The following DCLK1 variants were observed in gnomAD, a reference collection of about 807,000 sequenced individuals.
DCLK1 encodes doublecortin like kinase 1.
Under a neutral mutation model 86.2 loss-of-function variants are expected in DCLK1, and 16 were observed. The observed-to-expected ratio is 0.19, with a 90% CI of 0.13 to 0.28. The LOEUF (loss-of-function observed/expected upper bound fraction) is 0.28, where lower values mean the gene tolerates loss of function less well. Among genes scored for constraint, DCLK1 ranks in the 10% least tolerant of loss-of-function variants. The probability of loss-of-function intolerance (pLI) is 1.00; values close to 1 mark genes in which losing one functional copy is unlikely to be tolerated. For missense variants in DCLK1, 590 were observed against 940.2 expected (o/e 0.63, Z 4.87); for synonymous variants, 369 against 370.5 (o/e 1.00, Z 0.05).
At chr13:35,843,150 AC>A (rs758187515) in intron 6 of DCLK1, among the ~76,000 whole-genome samples, 1 of 152,184 alleles carries the variant, frequency 6.6e-6, no homozygotes, top group Admixed American at 6.5e-5. Flanking sequence ...GAGCAGATAA[AC>A]CATTTTATAG....
chr13:36,036,625 G>T (rs1882511197), intron 3 of DCLK1, among the ~76,000 whole-genome samples: 1 of 151,990 alleles, frequency 6.6e-6, no homozygotes, highest in Admixed American at 6.6e-5. Flanking sequence ...GTAGGTATAA[G>T]ATCATATACG....
chr13:35,827,512 A>T, intron 10 of DCLK1, 123 bp downstream of exon 10: 1 of 1,189,150 alleles, frequency 8.4e-7, no homozygotes, highest in Non-Finnish European at 1.2e-6. Flanking sequence ...ATTCCTAATC[A>T]CTGGGCCAAT....
chr13:36,070,701 G>A (rs1049160891), intron 3 of DCLK1, among the ~76,000 whole-genome samples: 4 of 151,990 alleles, frequency 2.6e-5, no homozygotes, highest in Admixed American at 6.6e-5. Flanking sequence ...GAGTGCAATG[G>A]CGCAATCTCG....
intron 6 of DCLK1, chr13:35,846,081 A>C: frequency 1.0e-6 from 1 of 985,454 alleles, no homozygotes; most frequent in Non-Finnish European, 1.2e-6. Context: ...GTCAACCCTT[A>C]GCTCTATAAA....
chr13:36,119,706 A>T (rs1002438062), intron 2 of DCLK1, among the ~76,000 whole-genome samples: 3 of 152,220 alleles, frequency 2.0e-5, no homozygotes, highest in African/African-American at 7.2e-5. Flanking sequence ...GGTATTCTTC[A>T]AACTGTCAAG....
In DCLK1 at chr13:36,026,568, G is replaced by A. The variant is rs150523198; in HGVS notation, c.724-79111C>T. On this transcript the variant is annotated intron_variant, in intron 3 of 16. Transcript: ENST00000360631. ...CTTTCTACCACTTAAATGATTATTT[G>A]AAATACATTTTATGGTGAATTTATT... Among the ~76,000 whole-genome samples, 315 of 152,198 alleles carry A rather than the reference G, an allele frequency of 2.1e-3. 2 individuals are homozygous for A. The highest frequency in any genetic ancestry group is 7.4e-3 in the African/African-American group (306 of 41,514).
chr13:36,013,922 A>G (rs1288026722), intron 3 of DCLK1, among the ~76,000 whole-genome samples: 1 of 152,108 alleles, frequency 6.6e-6, no homozygotes, highest in Admixed American at 6.5e-5. Flanking sequence ...GTGGGATATA[A>G]TCTCGTGGTG....
Position 36,125,749 on chromosome 13 carries a change from TCA to T in DCLK1, c.376+11_376+12del. 1 of 1,606,544 alleles carries T rather than the reference TCA, an allele frequency of 6.2e-7. No homozygotes were observed. The highest frequency in any genetic ancestry group is 8.5e-7 in the Non-Finnish European group (1 of 1,175,372). ...CCTGTAGGGTCACGTGGGGGTTATCTCACAGCGCTCACCTTCCACCAGTTGGT... is the reference window on the plus strand; with the variant it reads ...CCTGTAGGGTCACGTGGGGGTTATCTCAGCGCTCACCTTCCACCAGTTGGT... On this transcript the variant is annotated intron_variant, in intron 2 of 16. Coordinates refer to ENST00000360631, the MANE Select transcript of DCLK1 (RefSeq NM_001330071.2).
At chr13:35,957,317 G>C (rs189823587) in intron 3 of DCLK1, among the ~76,000 whole-genome samples, 13 of 152,266 alleles carry the variant, frequency 8.5e-5, no homozygotes, top group Admixed American at 8.5e-4. Flanking sequence ...ATTTAAAAAT[G>C]TGTTTAAAGC....
intron 16 of DCLK1, among the ~76,000 whole-genome samples, chr13:35,775,999 T>C (rs554817621): frequency 7.9e-5 from 12 of 152,316 alleles, no homozygotes; most frequent in South Asian, 2.1e-4. Context: ...TCAGAAACTA[T>C]CCACACACTG....
intron 15 of DCLK1, among the ~76,000 whole-genome samples, chr13:35,794,186 A>G (rs943369855): frequency 2.0e-5 from 3 of 152,206 alleles, no homozygotes; most frequent in African/African-American, 7.2e-5. Flanking sequence ...CCAGGGTCAT[A>G]AGTATGTGCC....
intron 4 of DCLK1, among the ~76,000 whole-genome samples, chr13:35,916,087 C>T (rs1875391567): frequency 6.6e-6 from 1 of 152,210 alleles, no homozygotes; most frequent in Non-Finnish European, 1.5e-5. Context: ...CACTTACCTT[C>T]TGCAAAAAGG....
chr13:36,122,327 C>G (rs1277884893), intron 2 of DCLK1, among the ~76,000 whole-genome samples: 1 of 152,154 alleles, frequency 6.6e-6, no homozygotes. Context: ...ACATGAGAAC[C>G]AAAGAAGAAG....
At chr13:35,913,013 C>G (rs1454575513) in intron 4 of DCLK1, among the ~76,000 whole-genome samples, 1 of 152,196 alleles carries the variant, frequency 6.6e-6, no homozygotes, top group Admixed American at 6.5e-5. Flanking sequence ...AAAGGTTGAG[C>G]ATGGTGGGCC....
At chr13:36,108,284 A>C (rs1025429585) in intron 3 of DCLK1, among the ~76,000 whole-genome samples, 4 of 152,234 alleles carry the variant, frequency 2.6e-5, no homozygotes, top group Non-Finnish European at 4.4e-5. Context: ...GTTTGCTCAC[A>C]CATAGGCTGC....
chr13:36,100,002 A>C (rs1294527322), intron 3 of DCLK1, among the ~76,000 whole-genome samples: 2 of 152,068 alleles, frequency 1.3e-5, no homozygotes, highest in Non-Finnish European at 2.9e-5. Context: ...TAAGTCTACC[A>C]ATTTGACACA....
chr13:36,127,394 T>C (rs1047359807), intron 1 of DCLK1, among the ~76,000 whole-genome samples: 7 of 152,212 alleles, frequency 4.6e-5, no homozygotes, highest in African/African-American at 1.7e-4. Context: ...ATTAAGACTA[T>C]CTTTGTGATT....
chr13:35,928,080 C>G (rs562116878), intron 4 of DCLK1, among the ~76,000 whole-genome samples: 1 of 152,314 alleles, frequency 6.6e-6, no homozygotes, highest in South Asian at 2.1e-4. Flanking sequence ...AAAGATAGTG[C>G]TTTCCTGGGT....
intron 3 of DCLK1, among the ~76,000 whole-genome samples, chr13:36,082,232 C>A (rs1322641705): frequency 6.6e-6 from 1 of 152,150 alleles, no homozygotes; most frequent in South Asian, 2.1e-4. Flanking sequence ...TCAGCCTACT[C>A]AAGGTGAAGG....
Sources: allele counts gnomAD v4.1 joint callset (sites outside exome capture counted in the v4.1 genomes callset), GRCh38; gene constraint gnomAD v4.1.1; transcripts MANE v1.5; gene names NCBI Gene and HGNC (gene_info 2026-07-23, HGNC 2026-07-21).